The following UBE2D3 variants were observed in gnomAD, a reference collection of about 807,000 sequenced individuals.
UBE2D3 encodes the protein ubiquitin conjugating enzyme E2 D3.
UBE2D3 carries 2 observed loss-of-function variants against 22.8 expected under a neutral mutation model. That is an observed-to-expected ratio of 0.09 (90% CI 0.04 to 0.28). UBE2D3 has a LOEUF of 0.28. Ranked by LOEUF, UBE2D3 falls within the 10% of genes least tolerant of loss-of-function variation. The probability of loss-of-function intolerance (pLI) is 1.00; values close to 1 mark genes in which losing one functional copy is unlikely to be tolerated. For synonymous variants in UBE2D3, 56 were observed against 60.4 expected (o/e 0.93, Z 0.34); for missense variants, 27 against 182.5 (o/e 0.15, Z 4.91).
At chr4:102,804,618 A>G (rs559604718) in intron 4 of UBE2D3, among the ~76,000 whole-genome samples, 1 of 152,284 alleles carries the variant, frequency 6.6e-6, no homozygotes, top group African/African-American at 2.4e-5. Flanking sequence ...AATACTATAC[A>G]AGATATGTTT....
intron 2 of UBE2D3, chr4:102,825,422 A>G (rs1333119903): frequency 9.1e-7 from 1 of 1,093,764 alleles, no homozygotes; most frequent in African/African-American, 1.7e-5. Context: ...AGAGGATCTT[A>G]GAGCAGTGCA....
chr4:102,856,600 A>G (rs1335033787), intron 1 of UBE2D3, among the ~76,000 whole-genome samples: 1 of 152,194 alleles, frequency 6.6e-6, no homozygotes, highest in Non-Finnish European at 1.5e-5. Flanking sequence ...TCGTATATGG[A>G]AAGAAATTCA....
At chr4:102,827,777 G>A, upstream of UBE2D3, 1 of 986,204 alleles carries the variant, frequency 1.0e-6, no homozygotes, top group Non-Finnish European at 1.2e-6. Context: ...GAGGGCGGGG[G>A]AGGGAGGAGG....
rs544869091 is a variant in UBE2D3, at chr4:102,800,755, T to C, written c.304+699A>G. The stretch of plus-strand genomic sequence containing the variant: ...AGTGCAGTATATACACATATGAAAC[T>C]TTTATACAATGCCTTGCCTTTTGAA... On this transcript the variant is annotated intron_variant, in intron 6 of 7. Transcript: ENST00000453744. Among the ~76,000 whole-genome samples, 3 of 152,212 alleles carry C rather than the reference T, an allele frequency of 2.0e-5. No individual in the cohort carries two copies. The East Asian group carries it at 5.8e-4, about 29-fold the overall frequency.
intron 1 of UBE2D3, 174 bp from the exon 2 acceptor site, chr4:102,826,810 C>G: frequency 8.2e-7 from 1 of 1,217,516 alleles, no homozygotes. Context: ...ACGGGAAGAG[C>G]GGAGGTGGTG....
intron 1 of UBE2D3, among the ~76,000 whole-genome samples, chr4:102,865,460 C>T (rs1319642284): frequency 6.7e-6 from 1 of 149,572 alleles, no homozygotes; most frequent in Non-Finnish European, 1.5e-5. Context: ...CCATTGCACT[C>T]CAGCCTGGGC....
intron 2 of UBE2D3, among the ~76,000 whole-genome samples, chr4:102,824,893 A>C (rs1301020407): frequency 6.6e-6 from 1 of 152,268 alleles, no homozygotes; most frequent in South Asian, 2.1e-4. Flanking sequence ...AAAAAGAGGT[A>C]ATTATTTCAA....
intron 1 of UBE2D3, among the ~76,000 whole-genome samples, chr4:102,841,838 A>G (rs1175398744): frequency 1.3e-5 from 2 of 152,138 alleles, no homozygotes; most frequent in Admixed American, 1.3e-4. Context: ...CTCTCAACTC[A>G]TATTTGGTCC....
intron 1 of UBE2D3, chr4:102,844,193 A>G (rs911303017): frequency 6.6e-6 from 1 of 152,184 alleles, no homozygotes; most frequent in South Asian, 2.1e-4. Context: ...ATGAATCACC[A>G]TGGCAGCATG....
intron 2 of UBE2D3, among the ~76,000 whole-genome samples, chr4:102,818,509 C>G (rs1324952750): frequency 6.6e-6 from 1 of 152,226 alleles, no homozygotes; most frequent in Non-Finnish European, 1.5e-5. Flanking sequence ...AAAGCTCTCA[C>G]ATGGTCTAGT....
chr4:102,849,529 C>T (rs1051090647), intron 1 of UBE2D3, among the ~76,000 whole-genome samples: 4 of 151,822 alleles, frequency 2.6e-5, no homozygotes, highest in African/African-American at 7.3e-5. Flanking sequence ...TAAATGATTC[C>T]TAAAAATCAG....
At chr4:102,808,473 C>T (rs914871889) in intron 4 of UBE2D3, among the ~76,000 whole-genome samples, 5 of 152,254 alleles carry the variant, frequency 3.3e-5, no homozygotes, top group African/African-American at 4.8e-5. Context: ...TGATCCAGGA[C>T]GTTTCAAAGT....
intron 1 of UBE2D3, among the ~76,000 whole-genome samples, chr4:102,854,540 A>G (rs960419504): frequency 1.3e-5 from 2 of 152,186 alleles, no homozygotes; most frequent in Admixed American, 6.6e-5. Flanking sequence ...ATTTACCTCT[A>G]TACTTACGTA....
intron 1 of UBE2D3, among the ~76,000 whole-genome samples, chr4:102,863,965 A>C (rs543628113): frequency 6.6e-5 from 10 of 152,334 alleles, no homozygotes; most frequent in African/African-American, 2.4e-4. Flanking sequence ...GATCATGTAG[A>C]TCTAGACCAA....
intron 2 of UBE2D3, among the ~76,000 whole-genome samples, chr4:102,815,246 T>C (rs996631579): frequency 1.3e-5 from 2 of 152,124 alleles, no homozygotes; most frequent in African/African-American, 2.4e-5. Flanking sequence ...GGTTTCACCA[T>C]GTTGGCCACA....
chr4:102,828,137 T>C (rs1730872470), upstream of UBE2D3: 6 of 985,300 alleles, frequency 6.1e-6, no homozygotes, highest in South Asian at 2.3e-4. Context: ...GCAACGCCCC[T>C]GAATGCTTAT....
At chr4:102,828,239 G>A, upstream of UBE2D3, 1 of 985,480 alleles carries the variant, frequency 1.0e-6, no homozygotes, top group Non-Finnish European at 1.2e-6. Flanking sequence ...AGGAGCGTGT[G>A]GTGGGAGGTG....
intron 1 of UBE2D3, among the ~76,000 whole-genome samples, chr4:102,855,834 G>T (rs1208912193): frequency 1.3e-5 from 2 of 152,128 alleles, no homozygotes; most frequent in South Asian, 4.1e-4. Flanking sequence ...GGGGGACAGA[G>T]ACAAAAAGAT....
At chr4:102,812,924 A>T (rs1395612253) in intron 2 of UBE2D3, 2 of 152,208 alleles carry the variant, frequency 1.3e-5, no homozygotes, top group Non-Finnish European at 2.9e-5. Context: ...GGGGTTATTA[A>T]TTTAAACCTT....
Sources: gnomAD v4.1 joint callset for allele counts (sites outside exome capture counted in the v4.1 genomes callset) on GRCh38, gnomAD v4.1.1 for gene constraint, MANE v1.5 for transcripts, NCBI Gene and HGNC (gene_info 2026-07-23, HGNC 2026-07-21) for gene names.